Variants in KCNH7 observed in about 807,000 individuals in gnomAD.
KCNH7 encodes voltage-gated inwardly rectifying potassium channel KCNH7.
A neutral mutation model predicts 120.8 loss-of-function variants in KCNH7; 49 were observed. The observed-to-expected ratio is 0.41, with a 90% CI of 0.32 to 0.51. The LOEUF is 0.51. KCNH7 is among the 20% of genes least tolerant of loss of function. The pLI is 0.38. For missense variants in KCNH7, 1,097 were observed against 1,446.6 expected (o/e 0.76, Z 3.92); for synonymous variants, 547 against 516.1 (o/e 1.06, Z -0.81).
At chr2:162,557,803 G>A (rs148735789) in intron 2 of KCNH7, among the ~76,000 whole-genome samples, 23 of 151,996 alleles carry the variant, frequency 1.5e-4, no homozygotes, top group African/African-American at 5.3e-4. Context: ...TTTCTGTCTC[G>A]GTTACTCTTT....
At chr2:162,500,574 G>A (rs1190551031) in intron 6 of KCNH7, among the ~76,000 whole-genome samples, 1 of 151,826 alleles carries the variant, frequency 6.6e-6, no homozygotes, top group Non-Finnish European at 1.5e-5. Flanking sequence ...AGAACAACAG[G>A]AGCAGCGATT....
At chr2:162,527,085 G>T (rs1691733294) in intron 3 of KCNH7, among the ~76,000 whole-genome samples, 1 of 151,942 alleles carries the variant, frequency 6.6e-6, no homozygotes, top group Admixed American at 6.6e-5. Context: ...CAATTTTCTT[G>T]ATCTTAGAAA....
chr2:162,531,746 T>C (rs1157611452), intron 3 of KCNH7, among the ~76,000 whole-genome samples: 1 of 151,962 alleles, frequency 6.6e-6, no homozygotes, highest in Non-Finnish European at 1.5e-5. Flanking sequence ...ATTTAACATA[T>C]TAGAATCATA....
intron 9 of KCNH7, among the ~76,000 whole-genome samples, chr2:162,403,377 C>A (rs1365721214): frequency 1.3e-5 from 2 of 151,862 alleles, no homozygotes; most frequent in African/African-American, 4.8e-5. Context: ...CTGTTTCTGG[C>A]TTGTTATATG....
rs569878996 is a variant in KCNH7 at position 162,383,593 on chromosome 2, A to G, written c.2962+1095T>C. 2.6e-5 allele frequency among the ~76,000 whole-genome samples: 4 copies of G among 152,104 alleles called. No homozygotes were observed. In the East Asian group the frequency reaches 5.8e-4, roughly 22 times the overall value. On this transcript the variant is annotated intron_variant, in intron 13 of 15. Coordinates refer to ENST00000332142, the MANE Select transcript of KCNH7 (RefSeq NM_033272.4). ...GTACTTGGGAATAATGATGATAAGT[A>G]ATATTTACTTACTCTGTACTAATGT... is the stretch of plus-strand genomic sequence containing the variant.
At chr2:162,558,503 CTTTTTTTTTTTTT>C (rs71410015) in intron 2 of KCNH7, among the ~76,000 whole-genome samples, 3 of 80,696 alleles carry the variant, frequency 3.7e-5, no homozygotes, top group African/African-American at 1.5e-4. Context: ...TTCTCAATGG[CTTTTTTTTTTTTT>C]TTTTTTTTTG....
chr2:162,837,558 G>A lies in KCNH7; in HGVS notation c.77-791C>T, dbSNP rs529736710. On this transcript the variant is annotated intron_variant, in intron 1 of 15. Transcript: ENST00000332142. Reference sequence around the variant, plus strand: ...TATACAAGTTTAGTTTGTACGCAAGGTACCAGATCCTCACATCACTAAATG... The same window carrying A: ...TATACAAGTTTAGTTTGTACGCAAGATACCAGATCCTCACATCACTAAATG... Among the ~76,000 whole-genome samples, 23 of 152,248 alleles carry A rather than the reference G, an allele frequency of 1.5e-4. 1 individual carries two copies. In the South Asian group the frequency reaches 4.4e-3, roughly 29 times the overall value.
At position 162,446,190 on chromosome 2, in the gene KCNH7, A is replaced by G. The variant is rs1406676854; in HGVS notation, c.1382T>C (p.Met461Thr). The change falls in exon 7 of 16, where the codon ATG becomes ACG. Residue 461 changes from methionine to threonine, a missense_variant. Physicochemically the swap from Met to Thr is moderately conservative, Grantham distance 81. Coordinates refer to ENST00000332142, the MANE Select transcript of KCNH7 (RefSeq NM_033272.4). ...GTTTATTAAAATATCTATGATAAAC[A>G]TAATATCCACAATCAAGTCTACCAC... Reference protein sequence around the residue: ...LNVVDLIVDIMFIIDILINFR... With the variant: ...LNVVDLIVDITFIIDILINFR... The G allele has an allele frequency of 1.2e-6, 2 of 1,613,606 alleles. No homozygotes were observed. Among genetic ancestry groups the G allele is most frequent in the Non-Finnish European group, 1.7e-6 (2 of 1,179,714 alleles).
chr2:162,471,109 G>T (rs185523401), intron 6 of KCNH7, among the ~76,000 whole-genome samples: 6 of 152,064 alleles, frequency 3.9e-5, no homozygotes, highest in East Asian at 3.9e-4. Context: ...CAAACACTGC[G>T]GAGGGCCGCA....
chr2:162,479,911 A>G (rs1452312221), intron 6 of KCNH7, among the ~76,000 whole-genome samples: 1 of 152,112 alleles, frequency 6.6e-6, no homozygotes, highest in Admixed American at 6.6e-5. Context: ...AAGAGATGGA[A>G]TTTATTTTAA....
chr2:162,696,209 G>A (rs953753944), intron 2 of KCNH7, among the ~76,000 whole-genome samples: 1 of 152,102 alleles, frequency 6.6e-6, no homozygotes, highest in African/African-American at 2.4e-5. Flanking sequence ...CTTAGATAAT[G>A]TAGATATAGT....
At chr2:162,763,891 T>C (rs186957540) in intron 2 of KCNH7, among the ~76,000 whole-genome samples, 34 of 152,116 alleles carry the variant, frequency 2.2e-4, no homozygotes, top group Middle Eastern at 3.4e-3. Flanking sequence ...TGCCTTTGTG[T>C]AAACAATGTG....
chr2:162,378,886 C>T (rs1409843980), intron 14 of KCNH7, among the ~76,000 whole-genome samples: 2 of 152,184 alleles, frequency 1.3e-5, no homozygotes, highest in East Asian at 3.9e-4. Context: ...GCCACTGGCA[C>T]AGGAGATTAT....
At chr2:162,402,532 C>T (rs1405930016) in intron 9 of KCNH7, among the ~76,000 whole-genome samples, 1 of 151,216 alleles carries the variant, frequency 6.6e-6, no homozygotes, top group Admixed American at 6.6e-5. Context: ...GCTGTGGTCT[C>T]TGAATAATTC....
At chr2:162,453,320 T>C (rs1688836165) in intron 6 of KCNH7, among the ~76,000 whole-genome samples, 1 of 152,226 alleles carries the variant, frequency 6.6e-6, no homozygotes, top group Admixed American at 6.5e-5. Context: ...TGCATAGTAT[T>C]CCATGGTGTA....
chr2:162,645,718 T>C (rs904637466), intron 2 of KCNH7, among the ~76,000 whole-genome samples: 2 of 152,186 alleles, frequency 1.3e-5, no homozygotes, highest in Non-Finnish European at 2.9e-5. Flanking sequence ...CAATTCATTA[T>C]TTTTCATTAT....
In KCNH7 at chr2:162,446,132, T is replaced by C. The variant is rs372483129; in HGVS notation, c.1440A>G (p.Glu480=). ...CTATTTTGGCGGGATCACTTACCAC[T>C]TCTTCATTCTGATTTACATATGTTG... is the stretch of plus-strand genomic sequence containing the variant. The part of the protein sequence containing the change: ...FRTTYVNQNE[E]VVSDPAKIAI... Residue 480 remains glutamate (E), a synonymous_variant, in exon 7 of 16, where the codon GAA becomes GAG. Transcript: ENST00000332142. 6.8e-6 allele frequency: 11 copies of C among 1,613,694 alleles called. No individual in the cohort carries two copies. In the African/African-American group the frequency reaches 1.3e-4, roughly 20 times the overall value.
At chr2:162,434,722 T>TAC (rs1024137083) in intron 8 of KCNH7, among the ~76,000 whole-genome samples, 6 of 149,296 alleles carry the variant, frequency 4.0e-5, no homozygotes, top group Non-Finnish European at 8.8e-5. Flanking sequence ...TATATATATA[T>TAC]ACACATACAT....
chr2:162,663,094 T>C (rs1324276140), intron 2 of KCNH7, among the ~76,000 whole-genome samples: 1 of 152,140 alleles, frequency 6.6e-6, no homozygotes, highest in Non-Finnish European at 1.5e-5. Flanking sequence ...ACATGATAGG[T>C]TCGTGGTAAA....
Sources: gnomAD v4.1 joint callset for allele counts (sites outside exome capture counted in the v4.1 genomes callset) on GRCh38, gnomAD v4.1.1 for gene constraint, MANE v1.5 for transcripts, NCBI Gene and HGNC (gene_info 2026-07-23, HGNC 2026-07-21) for gene names.